EIF2AK4: variants seen among roughly 807,000 people sequenced by gnomAD.
EIF2AK4 encodes eukaryotic translation initiation factor 2 alpha kinase 4, also known as eIF-2-alpha kinase GCN2.
Under a neutral mutation model 211.1 loss-of-function variants are expected in EIF2AK4, and 139 were observed. That is an observed-to-expected ratio of 0.66 (90% confidence interval 0.57 to 0.76). The LOEUF (loss-of-function observed/expected upper bound fraction) is 0.76. Among genes scored for constraint, EIF2AK4 ranks in the 30% least tolerant of loss-of-function variants. The pLI is 0.00. For missense variants in EIF2AK4, 1,664 were observed against 2,043.8 expected, an observed-to-expected ratio of 0.81 and a Z score of 3.58; for synonymous variants, 710 against 751.3, an observed-to-expected ratio of 0.94 and a Z score of 0.90.
At chr15:40,013,593 C>T (rs965579126) in intron 27 of EIF2AK4, among the ~76,000 whole-genome samples, 2 of 152,092 alleles carry the variant, frequency 1.3e-5, no homozygotes, top group African/African-American at 2.4e-5. Context: ...AGAGAGAGAA[C>T]TTGTGCAGAG....
chr15:39,960,068 G>T (rs906774276), intron 6 of EIF2AK4, among the ~76,000 whole-genome samples: 1 of 151,674 alleles, frequency 6.6e-6, no homozygotes. Context: ...GGAGGCTGAG[G>T]CAGGAGAATG....
rs1712504675 is a variant in EIF2AK4 at position 39,985,814 on chromosome 15, T to C, written c.2329T>C (p.Cys777Arg). The C allele has an allele frequency of 1.2e-6, 2 of 1,613,956 alleles. No homozygotes were observed. Among genetic ancestry groups the C allele is most frequent in the Admixed American group, 3.3e-5 (2 of 59,974 alleles). Residue 777 changes from cysteine (C) to arginine (R), a missense_variant, in exon 14 of 39, where the codon TGC (cysteine) becomes CGC (arginine). Around this residue, in one of 7 missense-constraint regions of EIF2AK4, gnomAD observed 206 missense variants for 201.9 expected, o/e 1.02. Coordinates refer to ENST00000263791, the MANE Select transcript of EIF2AK4 (RefSeq NM_001013703.4). ...GTTCGTCTTGGGTTAGGATGAAGAT[T>C]GCAATGAAAAGAATGGCTGCCATGA... is the stretch of plus-strand genomic sequence containing the variant. ...NSKSQNQDED[C>R]NEKNGCHESE... is the part of the protein sequence containing the mutation.
intron 32 of EIF2AK4, among the ~76,000 whole-genome samples, chr15:40,024,319 G>C (rs567767669): frequency 6.6e-6 from 1 of 151,490 alleles, no homozygotes; most frequent in Non-Finnish European, 1.5e-5. Flanking sequence ...CTGGGATACA[G>C]GCGTGTGCCA....
intron 35 of EIF2AK4, among the ~76,000 whole-genome samples, chr15:40,030,930 T>C (rs889713777): frequency 4.6e-5 from 7 of 152,142 alleles, no homozygotes; most frequent in South Asian, 2.1e-4. Context: ...ATGCATTATA[T>C]AGAGAATAAT....
intron 13 of EIF2AK4, among the ~76,000 whole-genome samples, chr15:39,979,465 A>G (rs2034749405): frequency 6.6e-6 from 1 of 152,258 alleles, no homozygotes; most frequent in African/African-American, 2.4e-5. Context: ...AACATCTGGC[A>G]TCCCTCATAC....
intron 23 of EIF2AK4, among the ~76,000 whole-genome samples, chr15:40,005,822 G>A (rs2035154354): frequency 6.6e-6 from 1 of 151,932 alleles, no homozygotes; most frequent in African/African-American, 2.4e-5. Flanking sequence ...CCGCCCACCT[G>A]GGCCTCCCAG....
intron 5 of EIF2AK4, 27 bp from the exon 6 acceptor site, chr15:39,955,593 A>T: frequency 6.9e-6 from 11 of 1,590,560 alleles, no homozygotes; most frequent in Non-Finnish European, 9.4e-6. Flanking sequence ...CTTACATCTA[A>T]AGTAAGTTTT....
intron 7 of EIF2AK4, among the ~76,000 whole-genome samples, chr15:39,962,329 GTCA>G (rs2034483814): frequency 1.3e-5 from 2 of 152,222 alleles, no homozygotes; most frequent in East Asian, 1.9e-4. Context: ...TTTTAAATCT[GTCA>G]TCATTATAAT....
At chr15:39,994,371 G>T (rs887042619) in intron 18 of EIF2AK4, among the ~76,000 whole-genome samples, 1 of 152,194 alleles carries the variant, frequency 6.6e-6, no homozygotes, top group African/African-American at 2.4e-5. Context: ...ACTTTGGGAG[G>T]CTGAAGCAGG....
chr15:40,005,732 C>T (rs764308138), intron 23 of EIF2AK4, among the ~76,000 whole-genome samples: 8 of 151,528 alleles, frequency 5.3e-5, no homozygotes, highest in Non-Finnish European at 8.8e-5. Context: ...CTACCATGCC[C>T]GGCTAATTTT....
At chr15:39,953,591 C>A (rs1220769584) in intron 4 of EIF2AK4, among the ~76,000 whole-genome samples, 1 of 152,178 alleles carries the variant, frequency 6.6e-6, no homozygotes. Flanking sequence ...GGAGCTAAGA[C>A]AAGTGTCGGA....
At chr15:40,022,439 G>A in intron 31 of EIF2AK4, 80 bp from the exon 32 acceptor site, 1 of 1,174,984 alleles carries the variant, frequency 8.5e-7, no homozygotes, top group Non-Finnish European at 1.2e-6. Context: ...ATTGGAAACA[G>A]TATTTTCATT....
At chr15:40,020,446 G>C (rs755878509) in intron 30 of EIF2AK4, 1 of 150,106 alleles carries the variant, frequency 6.7e-6, no homozygotes, top group African/African-American at 2.4e-5. Context: ...CCAGAAGTTC[G>C]AGACCAGCCT....
At chr15:39,953,011 C>A (rs926882194) in intron 4 of EIF2AK4, among the ~76,000 whole-genome samples, 2 of 152,064 alleles carry the variant, frequency 1.3e-5, no homozygotes, top group African/African-American at 4.8e-5. Flanking sequence ...CCATGCCTGG[C>A]TAATTTTTGG....
chr15:39,976,158 A>ATT (rs1159532880), intron 11 of EIF2AK4, among the ~76,000 whole-genome samples: 1 of 152,248 alleles, frequency 6.6e-6, no homozygotes, highest in Non-Finnish European at 1.5e-5. Flanking sequence ...AGTAAAATTA[A>ATT]TTATTAAAAT....
rs145780694 is a variant in EIF2AK4, at chr15:39,973,015, G to T, written c.1660+1G>T. 1 of 1,612,472 alleles carries T rather than the reference G, an allele frequency of 6.2e-7. No individual in the cohort carries two copies. Among genetic ancestry groups the T allele is most frequent in the African/African-American group, 1.3e-5 (1 of 75,000 alleles). Reference sequence around the variant, plus strand: ...CCTCTAGTGGAACAAAGTCCTGAAGGTGAGTCTGTTACCTTTCTTTATTTG... The same window carrying T: ...CCTCTAGTGGAACAAAGTCCTGAAGTTGAGTCTGTTACCTTTCTTTATTTG... On this transcript the variant is annotated splice_donor_variant, in intron 10 of 38. Coordinates refer to ENST00000263791, the MANE Select transcript of EIF2AK4 (RefSeq NM_001013703.4). LOFTEE classifies it high-confidence loss of function.
At chr15:39,986,577 G>A (rs1253171748) in intron 14 of EIF2AK4, among the ~76,000 whole-genome samples, 3 of 152,268 alleles carry the variant, frequency 2.0e-5, no homozygotes, top group Non-Finnish European at 2.9e-5. Context: ...AAGTTGGCCG[G>A]GCACGGTGGC....
chr15:40,001,164 G>T lies in EIF2AK4; in HGVS notation c.3099G>T (p.Gln1033His), dbSNP rs764693714. 1 of 1,613,984 alleles carries T rather than the reference G, an allele frequency of 6.2e-7. No individual in the cohort carries two copies. The highest frequency in any genetic ancestry group is 1.7e-5 in the Admixed American group (1 of 59,992). The change falls in exon 21 of 39, where the codon CAG (glutamine) becomes CAT (histidine). Residue 1033 changes from glutamine (Q) to histidine (H), a missense_variant. This residue lies in a region of EIF2AK4 where 622 missense variants were observed against 796.8 expected (regional missense o/e 0.78). Transcript: ENST00000263791. ...AGGCCTACCGCACCATGATGGCCCAGATCTTCTCGCAGCGCATCTCCCCTG... is the reference window on the plus strand; with the variant it reads ...AGGCCTACCGCACCATGATGGCCCATATCTTCTCGCAGCGCATCTCCCCTG... Reference protein sequence around the residue: ...DGKAYRTMMAQIFSQRISPAI... With the variant: ...DGKAYRTMMAHIFSQRISPAI...
chr15:39,994,018 T>A (rs992083439), intron 18 of EIF2AK4, among the ~76,000 whole-genome samples: 3 of 151,916 alleles, frequency 2.0e-5, no homozygotes, highest in Admixed American at 2.0e-4. Flanking sequence ...AGGGCTCAGG[T>A]TTCTTTCTGG....
Sources: allele counts gnomAD v4.1 joint callset (sites outside exome capture counted in the v4.1 genomes callset), GRCh38; gene constraint gnomAD v4.1.1; regional missense constraint gnomAD v4.1.1; transcripts MANE v1.5; gene names NCBI Gene and HGNC (gene_info 2026-07-23, HGNC 2026-07-21).